Variants in SLC9B2 observed in about 807,000 individuals in gnomAD.
SLC9B2 encodes solute carrier family 9 member B2.
Under a neutral mutation model 52.2 loss-of-function variants are expected in SLC9B2, and 39 were observed. The ratio of observed to expected loss-of-function variants is 0.75; its 90% CI spans 0.58 to 0.98. The LOEUF is 0.98. SLC9B2 is among the 50% of genes least tolerant of loss of function. The pLI is 0.00. For missense variants in SLC9B2, 626 were observed against 637.5 expected, an observed-to-expected ratio of 0.98 and a Z score of 0.19; for synonymous variants, 214 against 227.0, an observed-to-expected ratio of 0.94 and a Z score of 0.51.
At chr4:103,056,307 G>T (rs1220931332) in intron 4 of SLC9B2, among the ~76,000 whole-genome samples, 1 of 152,006 alleles carries the variant, frequency 6.6e-6, no homozygotes, top group Non-Finnish European at 1.5e-5. Flanking sequence ...GAGTGCAGTG[G>T]TGTGATCTCA....
intron 9 of SLC9B2, among the ~76,000 whole-genome samples, chr4:103,033,474 G>C (rs1374135010): frequency 6.6e-6 from 1 of 151,756 alleles, no homozygotes; most frequent in African/African-American, 2.4e-5. Flanking sequence ...ATTAGGAAGA[G>C]AGGAAGTCAA....
chr4:103,049,181 T>A (rs888005006), intron 5 of SLC9B2, among the ~76,000 whole-genome samples, 161 bp from the exon 6 acceptor site: 2 of 152,214 alleles, frequency 1.3e-5, no homozygotes, highest in Admixed American at 1.3e-4. Flanking sequence ...CCAAGTGTTT[T>A]CAGACAGCTT....
chr4:103,031,903 G>C, intron 9 of SLC9B2, 95 bp from the exon 10 acceptor site: 1 of 1,244,612 alleles, frequency 8.0e-7, no homozygotes, highest in South Asian at 1.3e-5. Context: ...TTTGGCCTGA[G>C]ATAAGCTTTA....
chr4:103,034,573 C>T (rs1578443370), intron 9 of SLC9B2, among the ~76,000 whole-genome samples: 2 of 151,950 alleles, frequency 1.3e-5, no homozygotes, highest in East Asian at 1.9e-4. Context: ...GTCTAATGTC[C>T]AGAATCTTTA....
chr4:103,050,437 T>G (rs1744574612), intron 4 of SLC9B2, 55 bp from the exon 5 acceptor site: 1 of 1,465,230 alleles, frequency 6.8e-7, no homozygotes, highest in Non-Finnish European at 9.1e-7. Context: ...GAAAATATTT[T>G]TAGTACTTTA....
rs185724556 is a variant in SLC9B2 at position 103,047,744 on chromosome 4, G to A, written c.714-518C>T. 1.5e-3 allele frequency among the ~76,000 whole-genome samples: 226 copies of A among 151,978 alleles called. 1 individual carries two copies. Among genetic ancestry groups the A allele is most frequent in the Non-Finnish European group, 2.3e-3 (158 of 67,976 alleles). On this transcript the variant is annotated intron_variant, in intron 6 of 11. Transcript: ENST00000394785. Reference sequence around the variant, plus strand: ...TGAACTCATCCTTTTTTATGGCTGCGTAGTATTCCATGGTGTATATGTGCC... The same window carrying A: ...TGAACTCATCCTTTTTTATGGCTGCATAGTATTCCATGGTGTATATGTGCC...
chr4:103,037,619 A>G (rs1743287009), intron 9 of SLC9B2, among the ~76,000 whole-genome samples: 1 of 152,206 alleles, frequency 6.6e-6, no homozygotes, highest in Middle Eastern at 3.2e-3. Flanking sequence ...CATGAAAAAT[A>G]TTATGTTTTC....
At chr4:103,036,651 CTT>C (rs200051574) in intron 9 of SLC9B2, among the ~76,000 whole-genome samples, 3 of 136,514 alleles carry the variant, frequency 2.2e-5, no homozygotes, top group Admixed American at 7.4e-5. Flanking sequence ...ATTGACATGC[CTT>C]TTTTTTTTTT....
chr4:103,075,392 T>A (rs948678773), intron 1 of SLC9B2, among the ~76,000 whole-genome samples: 1 of 152,182 alleles, frequency 6.6e-6, no homozygotes, highest in Non-Finnish European at 1.5e-5. Context: ...TCAGGTGATA[T>A]GCCCACCTCG....
chr4:103,056,634 C>A (rs1200352871), intron 4 of SLC9B2, among the ~76,000 whole-genome samples: 3 of 152,170 alleles, frequency 2.0e-5, no homozygotes, highest in Non-Finnish European at 2.9e-5. Flanking sequence ...TATATAGGCA[C>A]ATACATTATT....
upstream of SLC9B2, chr4:103,077,187 C>T (rs1002299119): frequency 2.0e-5 from 3 of 152,324 alleles, no homozygotes; most frequent in Non-Finnish European, 4.4e-5. Flanking sequence ...ATCTTAATCA[C>T]CGCTTTTCAA....
intron 1 of SLC9B2, among the ~76,000 whole-genome samples, chr4:103,068,329 C>T (rs78928709): frequency 0.013 from 1,906 of 152,338 alleles, 38 homozygotes; most frequent in African/African-American, 0.041. Context: ...GCAAATACAG[C>T]ACTCCAGTTC....
chr4:103,042,173 T>G (rs1040427154), intron 9 of SLC9B2: 1 of 152,126 alleles, frequency 6.6e-6, no homozygotes, highest in Non-Finnish European at 1.5e-5. Flanking sequence ...TCCACTTAAT[T>G]GAGTTATGAT....
intron 4 of SLC9B2, among the ~76,000 whole-genome samples, chr4:103,056,647 A>T (rs866378166): frequency 5.3e-5 from 8 of 152,330 alleles, no homozygotes; most frequent in Admixed American, 3.3e-4. Flanking sequence ...ACATTATTAA[A>T]TTTTACTGAT....
chr4:103,019,838 A>G, downstream of SLC9B2: 2 of 985,740 alleles, frequency 2.0e-6, no homozygotes, highest in Non-Finnish European at 2.4e-6. Flanking sequence ...TTTTCTGTCT[A>G]TTGAACCCTT....
At chr4:103,064,308 T>C (rs1181054382) in intron 3 of SLC9B2, among the ~76,000 whole-genome samples, 1 of 152,204 alleles carries the variant, frequency 6.6e-6, no homozygotes, top group East Asian at 1.9e-4. Flanking sequence ...GATATGCTTT[T>C]CAGCCATAAA....
intron 7 of SLC9B2, 44 bp downstream of exon 7, chr4:103,047,007 C>T (rs774910136): frequency 4.4e-6 from 7 of 1,581,800 alleles, no homozygotes; most frequent in African/African-American, 1.4e-5. Context: ...AACCTACGTC[C>T]CTAGAATGCA....
chr4:103,028,076 CA>C (rs1742382184), intron 11 of SLC9B2, among the ~76,000 whole-genome samples: 1 of 152,150 alleles, frequency 6.6e-6, no homozygotes, highest in Non-Finnish European at 1.5e-5. Context: ...ACTTAATTAG[CA>C]ATCATAGATA....
chr4:103,036,297 T>C (rs1743166046), intron 9 of SLC9B2, among the ~76,000 whole-genome samples: 2 of 152,174 alleles, frequency 1.3e-5, no homozygotes, highest in Admixed American at 6.6e-5. Flanking sequence ...ACCACAGTTA[T>C]CACTTACAAG....
Sources: allele counts gnomAD v4.1 joint callset (sites outside exome capture counted in the v4.1 genomes callset), GRCh38; gene constraint gnomAD v4.1.1; transcripts MANE v1.5; gene names NCBI Gene and HGNC (gene_info 2026-07-23, HGNC 2026-07-21).